The following CDH4 variants were observed in gnomAD, a reference collection of about 807,000 sequenced individuals.
The protein encoded by CDH4 is cadherin-4.
In CDH4, 33 loss-of-function variants were observed where a neutral mutation model predicts 86.0. The ratio of observed to expected loss-of-function variants is 0.38; its 90% confidence interval spans 0.29 to 0.51. The LOEUF (loss-of-function observed/expected upper bound fraction) is 0.51, where lower values mean the gene tolerates loss of function less well. Among genes scored for constraint, CDH4 ranks in the 20% least tolerant of loss-of-function variants. The pLI is 0.86. For synonymous variants in CDH4, 555 were observed against 549.4 expected (o/e 1.01, Z -0.14); for missense variants, 1,114 against 1,307.4 (o/e 0.85, Z 2.28).
intron 2 of CDH4, among the ~76,000 whole-genome samples, chr20:61,743,067 G>A (rs1010147276): frequency 3.3e-5 from 5 of 152,210 alleles, no homozygotes; most frequent in African/African-American, 1.2e-4. Flanking sequence ...ACCTGCCATG[G>A]GGGAATGGTC....
intron 4 of CDH4, among the ~76,000 whole-genome samples, chr20:61,843,188 C>G (rs930232209): frequency 1.1e-4 from 17 of 151,232 alleles, no homozygotes; most frequent in African/African-American, 4.2e-4. Context: ...CGGTGGCTCA[C>G]GCCTGTAATC....
At chr20:61,907,670 G>A (rs373612987) in intron 8 of CDH4, among the ~76,000 whole-genome samples, 1 of 151,992 alleles carries the variant, frequency 6.6e-6, no homozygotes, top group Non-Finnish European at 1.5e-5. Flanking sequence ...AGTGAGTCCC[G>A]AAGCTCCCTC....
At chr20:61,742,360 C>T (rs759863590) in intron 2 of CDH4, among the ~76,000 whole-genome samples, 17 of 152,134 alleles carry the variant, frequency 1.1e-4, no homozygotes, top group Non-Finnish European at 2.2e-4. Context: ...TAGGAGGTGC[C>T]ATTGGCTGGG....
chr20:61,446,632 A>T (rs2085351730), intron 2 of CDH4, among the ~76,000 whole-genome samples: 1 of 152,132 alleles, frequency 6.6e-6, no homozygotes, highest in Non-Finnish European at 1.5e-5. Flanking sequence ...TTTTTCACAC[A>T]TCTCTGTTCA....
At chr20:61,381,009 T>C (rs1475563079) in intron 2 of CDH4, among the ~76,000 whole-genome samples, 1 of 152,334 alleles carries the variant, frequency 6.6e-6, no homozygotes, top group South Asian at 2.1e-4. Flanking sequence ...CAGCGTGACA[T>C]AGTCCCTGTC....
intron 2 of CDH4, among the ~76,000 whole-genome samples, chr20:61,294,317 G>A (rs1302368092): frequency 6.6e-6 from 1 of 152,192 alleles, no homozygotes; most frequent in African/African-American, 2.4e-5. Context: ...AGGTGGGTCT[G>A]GGGCAACGGG....
chr20:61,727,251 C>T (rs1010859421), intron 2 of CDH4, among the ~76,000 whole-genome samples: 1 of 151,482 alleles, frequency 6.6e-6, no homozygotes, highest in African/African-American at 2.4e-5. Context: ...CCATCAGTGC[C>T]ATCATCATCA....
intron 2 of CDH4, among the ~76,000 whole-genome samples, chr20:61,311,104 C>T (rs1004951864): frequency 2.6e-5 from 4 of 152,144 alleles, no homozygotes; most frequent in Non-Finnish European, 5.9e-5. Context: ...AGCGAACCTC[C>T]GGTGACTCAG....
intron 2 of CDH4, among the ~76,000 whole-genome samples, chr20:61,630,047 C>T (rs1190202362): frequency 6.6e-6 from 1 of 152,258 alleles, no homozygotes; most frequent in East Asian, 1.9e-4. Flanking sequence ...TCCCTGACAC[C>T]CAGGGAGCCT....
At chr20:61,637,500 G>C (rs1169118539) in intron 2 of CDH4, among the ~76,000 whole-genome samples, 3 of 152,198 alleles carry the variant, frequency 2.0e-5, no homozygotes, top group African/African-American at 7.2e-5. Context: ...TCTCACCCCT[G>C]TGTCTCAGCT....
At chr20:61,578,963 T>G (rs908394009) in intron 2 of CDH4, among the ~76,000 whole-genome samples, 2 of 152,174 alleles carry the variant, frequency 1.3e-5, no homozygotes, top group South Asian at 2.1e-4. Context: ...ATGCTTTTCT[T>G]TCCAGTACCC....
intron 2 of CDH4, among the ~76,000 whole-genome samples, chr20:61,308,979 C>A (rs1432797819): frequency 6.6e-6 from 1 of 152,250 alleles, no homozygotes; most frequent in East Asian, 1.9e-4. Flanking sequence ...TGAGGCCTCC[C>A]ACTTCCTGAC....
intron 4 of CDH4, among the ~76,000 whole-genome samples, chr20:61,834,088 G>A (rs1418339101): frequency 6.6e-6 from 1 of 152,196 alleles, no homozygotes; most frequent in African/African-American, 2.4e-5. Context: ...GGGCCAGGTG[G>A]GATGGTTCCC....
At chr20:61,678,304 TGGATGGAC>T (rs1235698655) in intron 2 of CDH4, among the ~76,000 whole-genome samples, 342 of 151,894 alleles carry the variant, frequency 2.3e-3, no homozygotes, top group African/African-American at 7.9e-3. Context: ...GATGGGTGGA[TGGATGGAC>T]GGATGGATGG....
chr20:61,864,350 C>T (rs1206663085), intron 6 of CDH4, among the ~76,000 whole-genome samples: 1 of 152,228 alleles, frequency 6.6e-6, no homozygotes, highest in Non-Finnish European at 1.5e-5. Flanking sequence ...AGTGCAGTCC[C>T]CTTTGGGGAG....
At chr20:61,432,939 AGCAATTCTCCTGCCTCAGCCTCCCGGG>A (rs2085256325) in intron 2 of CDH4, among the ~76,000 whole-genome samples, 1 of 145,956 alleles carries the variant, frequency 6.9e-6, no homozygotes, top group African/African-American at 2.6e-5. Context: ...CCCGGGTTCC[AGCAATTCTCCTGCCTCAGCCTCCCGGG>A]TACCTGGGAT....
intron 9 of CDH4, among the ~76,000 whole-genome samples, chr20:61,918,253 G>T (rs140848141): frequency 6.6e-6 from 1 of 152,346 alleles, no homozygotes; most frequent in Non-Finnish European, 1.5e-5. Flanking sequence ...AGTGTGCTGG[G>T]TTATTCTGGA....
At chr20:61,370,263 G>C (rs1255711827) in intron 2 of CDH4, 1 of 152,454 alleles carries the variant, frequency 6.6e-6, no homozygotes, top group Non-Finnish European at 1.4e-5. Context: ...GCTGGCCCTG[G>C]GGGTGGCTGT....
rs142065403 is a variant in CDH4 at position 61,607,675 on chromosome 20, AC to A, written c.170-135885del. Among the ~76,000 whole-genome samples, 295 of 152,304 alleles carry A rather than the reference AC, an allele frequency of 1.9e-3. 1 individual carries two copies. Among genetic ancestry groups the A allele is most frequent in the Middle Eastern group, 0.014 (4 of 294 alleles). On this transcript the variant is annotated intron_variant, in intron 2 of 15. Coordinates refer to ENST00000614565, the MANE Select transcript of CDH4 (RefSeq NM_001794.5). ...CAGCATCATCAAGCCAGGGCCAAAG[AC>A]CCACAACCTGCCAGGGCCAGTGTTG...
Sources: gnomAD v4.1 joint callset for allele counts (sites outside exome capture counted in the v4.1 genomes callset) on GRCh38, gnomAD v4.1.1 for gene constraint, MANE v1.5 for transcripts, NCBI Gene and HGNC (gene_info 2026-07-23, HGNC 2026-07-21) for gene names.